Variants in ADAMTS9 observed in about 807,000 individuals in gnomAD.
ADAMTS9 encodes the protein A disintegrin and metalloproteinase with thrombospondin motifs 9.
ADAMTS9 carries 107 observed loss-of-function variants against 257.1 expected under a neutral mutation model. That is an observed-to-expected ratio of 0.42 (90% CI 0.36 to 0.49). ADAMTS9 has a LOEUF of 0.49. Among genes scored for constraint, ADAMTS9 ranks in the 20% least tolerant of loss-of-function variants. The pLI, the probability that ADAMTS9 is intolerant of heterozygous loss-of-function variation, is 0.03. For synonymous variants in ADAMTS9, 982 were observed against 880.9 expected (o/e 1.11, Z -2.03); for missense variants, 2,353 against 2,469.1 (o/e 0.95, Z 1.00).
At chr3:64,646,227 A>G (rs1456721718) in intron 11 of ADAMTS9, among the ~76,000 whole-genome samples, 1 of 152,232 alleles carries the variant, frequency 6.6e-6, no homozygotes, top group Non-Finnish European at 1.5e-5. Context: ...ACCCAAGCCA[A>G]CTAACCAAGT....
chr3:64,657,687 T>A (rs1217746842), intron 4 of ADAMTS9, among the ~76,000 whole-genome samples: 1 of 132,560 alleles, frequency 7.5e-6, no homozygotes. Flanking sequence ...AAATTTAAAA[T>A]TAGGAATTTT....
chr3:64,597,054 G>C, intron 26 of ADAMTS9, 63 bp from the exon 27 acceptor site: 1 of 1,594,970 alleles, frequency 6.3e-7, no homozygotes, highest in Admixed American at 1.7e-5. Context: ...CACAGAAGCA[G>C]CTGGTTGAAA....
chr3:64,681,477 CA>C, intron 2 of ADAMTS9, 114 bp from the exon 3 acceptor site: 3 of 1,152,710 alleles, frequency 2.6e-6, no homozygotes, highest in Non-Finnish European at 3.6e-6. Flanking sequence ...ATCTCTTTTT[CA>C]GGAGGGTTGT....
intron 11 of ADAMTS9, among the ~76,000 whole-genome samples, chr3:64,643,780 T>C (rs576762754): frequency 6.6e-6 from 1 of 152,170 alleles, no homozygotes; most frequent in African/African-American, 2.4e-5. Flanking sequence ...ATTAGATTTT[T>C]TAATGCTTTT....
chr3:64,542,677 T>C (rs1441623383), intron 32 of ADAMTS9, among the ~76,000 whole-genome samples: 2 of 152,028 alleles, frequency 1.3e-5, no homozygotes, highest in East Asian at 1.9e-4. Flanking sequence ...AGATCTAAAA[T>C]TGACACCCTG....
intron 39 of ADAMTS9, among the ~76,000 whole-genome samples, chr3:64,520,856 C>T (rs2082843233): frequency 6.6e-6 from 1 of 151,712 alleles, no homozygotes; most frequent in African/African-American, 2.4e-5. Context: ...AGAAGAAAAC[C>T]CAGGAAATAC....
At chr3:64,673,647 T>C (rs1051093839) in intron 3 of ADAMTS9, among the ~76,000 whole-genome samples, 1 of 152,166 alleles carries the variant, frequency 6.6e-6, no homozygotes, top group Non-Finnish European at 1.5e-5. Flanking sequence ...ATATAGGTAC[T>C]GTGTAGGCAA....
intron 19 of ADAMTS9, among the ~76,000 whole-genome samples, chr3:64,616,633 T>TG (rs1404536862): frequency 6.6e-6 from 1 of 152,192 alleles, no homozygotes; most frequent in African/African-American, 2.4e-5. Flanking sequence ...AATGAGATTA[T>TG]GGGGGGACAC....
intron 4 of ADAMTS9, among the ~76,000 whole-genome samples, chr3:64,657,120 T>A (rs141601586): frequency 1.7e-4 from 26 of 152,222 alleles, no homozygotes; most frequent in African/African-American, 6.0e-4. Flanking sequence ...CATGTTTGCA[T>A]AAGAAATACC....
chr3:64,517,416 G>GCTTTTTTTTTTTTTTTTTTTTTTTT (rs1553698666), intron 39 of ADAMTS9, among the ~76,000 whole-genome samples: 1 of 52,638 alleles, frequency 1.9e-5, no homozygotes, highest in Non-Finnish European at 3.8e-5. Context: ...ATTAAAAATG[G>GCTTTTTTTTTTTTTTTTTTTTTTTT]TTTTTTTTTT....
intron 13 of ADAMTS9, 28 bp downstream of exon 13, chr3:64,633,670 G>A (rs192786997): frequency 8.9e-5 from 144 of 1,613,680 alleles, no homozygotes; most frequent in East Asian, 8.7e-4. Context: ...GCCGGCCAAC[G>A]GTGAACAGAT....
intron 27 of ADAMTS9, among the ~76,000 whole-genome samples, 179 bp downstream of exon 27, chr3:64,596,651 G>A (rs1576097708): frequency 6.6e-6 from 1 of 152,076 alleles, no homozygotes; most frequent in East Asian, 1.9e-4. Flanking sequence ...CTGTCTCTTA[G>A]TGGTAATAGG....
At chr3:64,627,749 G>C (rs1212235248) in intron 16 of ADAMTS9, among the ~76,000 whole-genome samples, 1 of 152,018 alleles carries the variant, frequency 6.6e-6, no homozygotes, top group Non-Finnish European at 1.5e-5. Context: ...GCTACAAAAG[G>C]CCCTCTCTCC....
At chr3:64,615,924 C>T (rs1453874805) in intron 20 of ADAMTS9, 36 bp downstream of exon 20, 1 of 1,610,128 alleles carries the variant, frequency 6.2e-7, no homozygotes, top group South Asian at 1.1e-5. Context: ...AATCAGACAG[C>T]ATCCAAGAAG....
chr3:64,591,898 C>A (rs1380882454), intron 28 of ADAMTS9, among the ~76,000 whole-genome samples: 1 of 152,108 alleles, frequency 6.6e-6, no homozygotes, highest in Non-Finnish European at 1.5e-5. Context: ...CATGTTAGCA[C>A]CTCCAACATA....
intron 15 of ADAMTS9, 66 bp downstream of exon 15, chr3:64,631,742 A>G (rs1700372217): frequency 7.1e-7 from 1 of 1,416,188 alleles, no homozygotes; most frequent in South Asian, 1.2e-5. Flanking sequence ...TGCATATTAC[A>G]TGTGGTTAAC....
intron 26 of ADAMTS9, among the ~76,000 whole-genome samples, chr3:64,597,615 C>T (rs2084389212): frequency 1.3e-5 from 2 of 152,080 alleles, no homozygotes; most frequent in African/African-American, 4.8e-5. Flanking sequence ...TTTTACTTCC[C>T]CAATGAACTT....
chr3:64,685,958 C>T (rs1270532990), intron 2 of ADAMTS9, among the ~76,000 whole-genome samples: 1 of 152,214 alleles, frequency 6.6e-6, no homozygotes, highest in Non-Finnish European at 1.5e-5. Flanking sequence ...TTCTCCCCCG[C>T]CCCCAGAGCC....
At chr3:64,659,393 A>C (rs1008823084) in intron 3 of ADAMTS9, among the ~76,000 whole-genome samples, 1 of 151,112 alleles carries the variant, frequency 6.6e-6, no homozygotes, top group African/African-American at 2.4e-5. Context: ...GCTTGAACCC[A>C]GGAGGCAGAG....
Sources: gnomAD v4.1 joint callset for allele counts (sites outside exome capture counted in the v4.1 genomes callset) on GRCh38, gnomAD v4.1.1 for gene constraint, MANE v1.5 for transcripts, NCBI Gene and HGNC (gene_info 2026-07-23, HGNC 2026-07-21) for gene names.